SYT9: variants seen among roughly 807,000 people sequenced by gnomAD.
SYT9 encodes the protein synaptotagmin 9, also known as synaptotagmin-9.
Under a neutral mutation model 48.4 loss-of-function variants are expected in SYT9, and 22 were observed. That is an observed-to-expected ratio of 0.45 (90% CI 0.32 to 0.65). The LOEUF is 0.65. Among genes scored for constraint, SYT9 ranks in the 30% least tolerant of loss-of-function variants. The pLI is 0.03. For synonymous variants in SYT9, 265 were observed against 245.0 expected, an observed-to-expected ratio of 1.08 and a Z score of -0.76; for missense variants, 577 against 622.0, an observed-to-expected ratio of 0.93 and a Z score of 0.77.
chr11:7,247,576 TAC>T (rs1398364325), upstream of SYT9, among the ~76,000 whole-genome samples: 4 of 147,712 alleles, frequency 2.7e-5, no homozygotes, highest in Admixed American at 6.8e-5. Flanking sequence ...TATACACATA[TAC>T]ATATATATGT....
chr11:7,446,660 C>G lies in SYT9; in HGVS notation c.1468-20132C>G, dbSNP rs182532326. ...AAAAAGCCCTCCCTGGCCATCCCCC[C>G]CAGCCTCTCTGCCTTGATTCCCTCA... On this transcript the variant is annotated intron_variant, in intron 6 of 6. Coordinates refer to ENST00000318881, the MANE Select transcript of SYT9 (RefSeq NM_175733.4). Among the ~76,000 whole-genome samples, 1,272 of 152,340 alleles carry G rather than the reference C, an allele frequency of 8.3e-3. 12 individuals are homozygous for G. The highest frequency in any genetic ancestry group is 0.011 in the Non-Finnish European group (716 of 68,034).
intron 1 of SYT9, among the ~76,000 whole-genome samples, chr11:7,269,966 G>A (rs533335762): frequency 1.9e-4 from 29 of 152,154 alleles, no homozygotes; most frequent in African/African-American, 7.0e-4. Flanking sequence ...ACAACAGCAG[G>A]AACATTTTTA....
At chr11:7,417,892 A>G in intron 4 of SYT9, 65 bp from the exon 5 acceptor site, 2 of 1,542,102 alleles carry the variant, frequency 1.3e-6, no homozygotes, top group Non-Finnish European at 8.8e-7. Flanking sequence ...ACTCACAGTG[A>G]TATAACTGCC....
At chr11:7,295,013 G>T (rs1848770874) in intron 1 of SYT9, among the ~76,000 whole-genome samples, 1 of 152,162 alleles carries the variant, frequency 6.6e-6, no homozygotes, top group South Asian at 2.1e-4. Flanking sequence ...CTCTGCTGGG[G>T]TGGATGATTA....
chr11:7,256,431 A>G (rs142129971), intron 1 of SYT9, among the ~76,000 whole-genome samples: 49 of 152,320 alleles, frequency 3.2e-4, no homozygotes, highest in East Asian at 3.1e-3. Context: ...AACCATGGCT[A>G]AAAGTGATTG....
At chr11:7,312,434 A>G (rs970368791) in intron 2 of SYT9, among the ~76,000 whole-genome samples, 5 of 152,234 alleles carry the variant, frequency 3.3e-5, no homozygotes, top group Non-Finnish European at 7.3e-5. Context: ...CATACAATAC[A>G]ATATAATGAC....
intron 3 of SYT9, among the ~76,000 whole-genome samples, chr11:7,338,797 G>C (rs544518498): frequency 6.6e-6 from 1 of 152,224 alleles, no homozygotes; most frequent in South Asian, 2.1e-4. Context: ...GTGCCATGTA[G>C]TGATGAGAAG....
At chr11:7,318,375 G>A (rs574997044) in intron 3 of SYT9, among the ~76,000 whole-genome samples, 1 of 151,458 alleles carries the variant, frequency 6.6e-6, no homozygotes, top group Non-Finnish European at 1.5e-5. Context: ...GTGCAATGGC[G>A]CAATCAAGGC....
chr11:7,252,459 G>C lies in SYT9; in HGVS notation c.145+128G>C, dbSNP rs1178910126. On this transcript the variant is annotated intron_variant, in intron 1 of 6. Coordinates refer to ENST00000318881, the MANE Select transcript of SYT9 (RefSeq NM_175733.4). This position sits in a 1 kb window ranked among gnomAD's most constrained non-coding sequence, Gnocchi z 6.3. ...GCGGGGGGCGGCCACCGAGCCAGGA[G>C]AGTGATCAAGAACCAGCGCACTGTG... 1 of 1,053,844 alleles carries C rather than the reference G, an allele frequency of 9.5e-7. No homozygotes were observed. The highest frequency in any genetic ancestry group is 1.2e-6 in the Non-Finnish European group (1 of 800,668). 65.3% of individuals were successfully genotyped at this position (1,053,844 alleles called of 1,614,324 possible).
At chr11:7,466,067 C>G (rs1346171042) in intron 6 of SYT9, among the ~76,000 whole-genome samples, 1 of 152,202 alleles carries the variant, frequency 6.6e-6, no homozygotes, top group Non-Finnish European at 1.5e-5. Flanking sequence ...ATTCCTCACA[C>G]TACAGTCCAG....
At chr11:7,354,817 G>T (rs1849985347) in intron 3 of SYT9, among the ~76,000 whole-genome samples, 1 of 151,926 alleles carries the variant, frequency 6.6e-6, no homozygotes, top group East Asian at 1.9e-4. Flanking sequence ...ATCTAACTTG[G>T]CACTATCACC....
At chr11:7,407,384 T>TCC (rs1479277784) in intron 3 of SYT9, among the ~76,000 whole-genome samples, 17 of 45,490 alleles carry the variant, frequency 3.7e-4, no homozygotes, top group African/African-American at 8.6e-4. Context: ...TTTTTTTTTT[T>TCC]TTTTTTTGAG....
chr11:7,294,221 T>C (rs982785), intron 1 of SYT9, among the ~76,000 whole-genome samples: 2 of 152,208 alleles, frequency 1.3e-5, no homozygotes, highest in Admixed American at 1.3e-4. Flanking sequence ...ATATTGGATG[T>C]TGGGATCTCA....
intron 6 of SYT9, among the ~76,000 whole-genome samples, chr11:7,426,788 C>G (rs1234027235): frequency 6.6e-6 from 1 of 152,104 alleles, no homozygotes; most frequent in East Asian, 1.9e-4. Flanking sequence ...AGCATGATTT[C>G]CCTCTACCTA....
intron 1 of SYT9, among the ~76,000 whole-genome samples, chr11:7,295,931 C>A (rs985251573): frequency 1.3e-5 from 2 of 152,160 alleles, no homozygotes; most frequent in Non-Finnish European, 2.9e-5. Context: ...GGAGCTCCTT[C>A]TCTTGTCCTC....
chr11:7,410,244 G>T (rs1014076486), intron 3 of SYT9, among the ~76,000 whole-genome samples: 2 of 152,106 alleles, frequency 1.3e-5, no homozygotes, highest in Admixed American at 1.3e-4. Context: ...GTTGAGAATC[G>T]TTTTGTGACC....
At chr11:7,370,486 A>T (rs938791590) in intron 3 of SYT9, among the ~76,000 whole-genome samples, 4 of 152,144 alleles carry the variant, frequency 2.6e-5, no homozygotes, top group African/African-American at 9.7e-5. Context: ...TTCTAAGGTG[A>T]TGGTAATGTT....
intron 3 of SYT9, among the ~76,000 whole-genome samples, chr11:7,322,491 A>G (rs1360592739): frequency 6.6e-6 from 1 of 151,976 alleles, no homozygotes; most frequent in Admixed American, 6.6e-5. Context: ...CATTTTTCCC[A>G]CTTGTGATCC....
chr11:7,369,194 A>G (rs112817572), intron 3 of SYT9, among the ~76,000 whole-genome samples: 2,345 of 152,146 alleles, frequency 0.015, 67 homozygotes, highest in African/African-American at 0.052. Flanking sequence ...GTGAGATGGT[A>G]TCTCACTGTG....
Sources: gnomAD v4.1 joint callset for allele counts (sites outside exome capture counted in the v4.1 genomes callset) on GRCh38, gnomAD v4.1.1 for gene constraint, Gnocchi (gnomAD v3.1) non-coding constraint, MANE v1.5 for transcripts, NCBI Gene and HGNC (gene_info 2026-07-23, HGNC 2026-07-21) for gene names.